The following THEM5 variants were observed in gnomAD, a reference collection of about 807,000 sequenced individuals.
THEM5 encodes the protein thioesterase superfamily member 5.
THEM5 carries 28 observed loss-of-function variants against 24.2 expected under a neutral mutation model. The ratio of observed to expected loss-of-function variants is 1.16; its 90% confidence interval spans 0.86 to 1.59. The LOEUF (loss-of-function observed/expected upper bound fraction) is 1.59. THEM5 is among the 40% of genes most tolerant of loss of function. The pLI is 0.00. For synonymous variants in THEM5, 87 were observed against 114.5 expected (o/e 0.76, Z 1.53); for missense variants, 260 against 296.8 (o/e 0.88, Z 0.91).
At chr1:151,850,473 G>C (rs1653075703) in intron 3 of THEM5, 1 of 152,824 alleles carries the variant, frequency 6.5e-6, no homozygotes. Context: ...ATCTGACTTT[G>C]ATTGCTGGTG....
At chr1:151,852,118 TG>T in intron 2 of THEM5, 139 bp downstream of exon 2, 2 of 803,076 alleles carry the variant, frequency 2.5e-6, no homozygotes, top group Non-Finnish European at 4.1e-6. Context: ...GCCTGTTGCC[TG>T]GGGCTGCAGC....
chr1:151,850,520 C>T (rs1653077118), intron 3 of THEM5: 1 of 152,810 alleles, frequency 6.5e-6, no homozygotes, highest in South Asian at 2.1e-4. Flanking sequence ...TGTGCATCTC[C>T]ATTTCCCCAT....
intron 5 of THEM5, among the ~76,000 whole-genome samples, 153 bp from the exon 6 acceptor site, chr1:151,847,567 A>T (rs1652972018): frequency 1.3e-5 from 2 of 151,998 alleles, no homozygotes; most frequent in Admixed American, 1.3e-4. Flanking sequence ...AAAAAATCCT[A>T]GTTCTGCTCT....
rs1447875525 is a variant in THEM5 at position 151,851,263 on chromosome 1, G to T, written c.326-72C>A. On this transcript the variant is annotated intron_variant, in intron 2 of 5. Transcript: ENST00000368817. Reference sequence around the variant, plus strand: ...TCAGGATGCAGCACCATTTGGTTGAGTCTTGCCTCTGGTACAAGATTAAGG... The same window carrying T: ...TCAGGATGCAGCACCATTTGGTTGATTCTTGCCTCTGGTACAAGATTAAGG... 3.1e-6 allele frequency: 5 copies of T among 1,590,666 alleles called. No homozygotes were observed. In the East Asian group the frequency reaches 1.1e-4, roughly 36 times the overall value.
At position 151,853,697 on chromosome 1, in the gene THEM5, T is replaced by C; in HGVS notation, c.-132A>G. On this transcript the variant is annotated 5_prime_UTR_variant, in exon 1 of 6. Transcript: ENST00000368817. ...TTTCTTTCAGAGAGCTAGGCGAGGCTGGGCTGGTGTGCTGCAACACCCACA... is the reference window on the plus strand; with the variant it reads ...TTTCTTTCAGAGAGCTAGGCGAGGCCGGGCTGGTGTGCTGCAACACCCACA... 3.1e-6 allele frequency: 4 copies of C among 1,270,272 alleles called. No individual in the cohort carries two copies. The Admixed American group carries it at 7.9e-5, about 25-fold the overall frequency. 78.7% of individuals were successfully genotyped at this position (1,270,272 alleles called of 1,614,324 possible).
At chr1:151,848,428 C>T (rs1464424655) in intron 3 of THEM5, 136 bp from the exon 4 acceptor site, 8 of 647,280 alleles carry the variant, frequency 1.2e-5, no homozygotes, top group Non-Finnish European at 2.1e-5. Context: ...GACGTTCAGC[C>T]TCAGGGCAGC....
Position 151,847,423 on chromosome 1 carries a change from G to A in THEM5, c.701-9C>T. ...CAGCTGAAGGAAAACACCTGCAAGA[G>A]AAGGGTGAGTTGAGCTGCAAGAGCT... On this transcript the variant is annotated splice_polypyrimidine_tract_variant and intron_variant, in intron 5 of 5. Transcript: ENST00000368817. 6.2e-7 allele frequency: 1 copy of A among 1,614,128 alleles called. No homozygotes were observed.
chr1:151,849,729 TCTC>T (rs1274815837), intron 3 of THEM5, among the ~76,000 whole-genome samples: 1 of 152,160 alleles, frequency 6.6e-6, no homozygotes, highest in Non-Finnish European at 1.5e-5. Context: ...AAACCAACTC[TCTC>T]CTCCTTGTCC....
intron 1 of THEM5, 46 bp from the exon 2 acceptor site, chr1:151,852,505 G>T: frequency 1.3e-6 from 2 of 1,597,472 alleles, no homozygotes; most frequent in East Asian, 2.2e-5. Context: ...CTGGAGGGGG[G>T]CTGCTGCCTG....
rs6587625 is a variant in THEM5 at position 151,847,848 on chromosome 1, T to C, written c.590A>G (p.Asp197Gly). Residue 197 changes from aspartate to glycine, a missense_variant, in exon 5 of 6, where the codon GAC becomes GGC. Coordinates refer to ENST00000368817, the MANE Select transcript of THEM5 (RefSeq NM_182578.4). Reference protein sequence around the residue: ...NIRFKNLIPVDSLVVMDVELD... With the variant: ...NIRFKNLIPVGSLVVMDVELD... ...TTCTACGTCCATTACAACCAGAGAG[T>C]CCACGGGGATCAAGCTGGGAGACGA... is the stretch of plus-strand genomic sequence containing the variant. 0.81 allele frequency: 1,307,650 copies of C among 1,613,948 alleles called. 534,184 individuals are homozygous for C. Among genetic ancestry groups the C allele is most frequent in the Admixed American group, 0.87 (52,483 of 60,014 alleles).
At position 151,853,456 on chromosome 1, in the gene THEM5, G is replaced by A. The variant is rs1420912776; in HGVS notation, c.110C>T (p.Ser37Phe). 1.2e-6 allele frequency: 2 copies of A among 1,613,872 alleles called. No homozygotes were observed. Among genetic ancestry groups the A allele is most frequent in the East Asian group, 2.2e-5 (1 of 44,876 alleles). ...CTGGGAACTCACCATGGAGTCTGTG[G>A]AGGATCCAAATGCTGAGGCAGGGTT... is the stretch of plus-strand genomic sequence containing the variant. ...RLNPASAFGS[S>F]TDSMFSRFLP... The change falls in exon 1 of 6, where the codon TCC becomes TTC. Residue 37 changes from serine to phenylalanine, a missense_variant. By Grantham distance (155) the Ser-to-Phe change is radical. Coordinates refer to ENST00000368817, the MANE Select transcript of THEM5 (RefSeq NM_182578.4).
intron 3 of THEM5, chr1:151,850,426 T>C (rs1653074332): frequency 6.6e-6 from 1 of 152,514 alleles, no homozygotes; most frequent in Admixed American, 6.5e-5. Flanking sequence ...GAGAGAACAG[T>C]GGACTTGGAA....
At chr1:151,849,851 A>G (rs1230638082) in intron 3 of THEM5, among the ~76,000 whole-genome samples, 1 of 152,072 alleles carries the variant, frequency 6.6e-6, no homozygotes, top group Non-Finnish European at 1.5e-5. Flanking sequence ...GGCCTGGTGG[A>G]TACTAATCTC....
chr1:151,847,364 G>A lies in THEM5; in HGVS notation c.*7C>T. The A allele has an allele frequency of 6.2e-7, 1 of 1,613,720 alleles. No individual in the cohort carries two copies. On this transcript the variant is annotated 3_prime_UTR_variant, in exon 6 of 6. Coordinates refer to ENST00000368817, the MANE Select transcript of THEM5 (RefSeq NM_182578.4). The stretch of plus-strand genomic sequence containing the variant: ...AGGCAGTGGCTCTCCTGCAGGCACA[G>A]TGACTGTTACTGGGGAGACTCTTCT...
intron 5 of THEM5, 102 bp from the exon 6 acceptor site, chr1:151,847,516 C>T: frequency 6.7e-7 from 1 of 1,485,544 alleles, no homozygotes; most frequent in Non-Finnish European, 9.4e-7. Context: ...TTACCTGGGT[C>T]CTGTCCTTTC....
In THEM5 at chr1:151,852,417, C is replaced by T. The variant is rs1286811532; in HGVS notation, c.166G>A (p.Ala56Thr). ...GAACACCAGCTGGCATTGGGAAGAG[C>T]ATAATCCTTCAAGTCTGTCTTCTCT... ...LPEKTDLKDYALPNASWCSDM... is the reference protein window; with the variant it reads ...LPEKTDLKDYTLPNASWCSDM... Residue 56 changes from alanine to threonine, a missense_variant, in exon 2 of 6, where the codon GCT becomes ACT. Ala to Thr is a moderately conservative substitution (Grantham distance 58). Coordinates refer to ENST00000368817, the MANE Select transcript of THEM5 (RefSeq NM_182578.4). 6.2e-7 allele frequency: 1 copy of T among 1,614,148 alleles called. No homozygotes were observed. The highest frequency in any genetic ancestry group is 8.5e-7 in the Non-Finnish European group (1 of 1,180,034).
chr1:151,853,328 C>T (rs1275207654), intron 1 of THEM5, 115 bp downstream of exon 1: 1 of 1,370,300 alleles, frequency 7.3e-7, no homozygotes, highest in Non-Finnish European at 9.7e-7. Flanking sequence ...CAAATAGCTC[C>T]TCCGAACACT....
At position 151,852,298 on chromosome 1, in the gene THEM5, G is replaced by C; in HGVS notation, c.285C>G (p.Ile95Met). Residue 95 changes from isoleucine (I) to methionine (M), a missense_variant, in exon 2 of 6, where the codon ATC becomes ATG. Coordinates refer to ENST00000368817, the MANE Select transcript of THEM5 (RefSeq NM_182578.4). ...GTCCAGATGGGAGCTTGAGTCCCCG[G>C]ATGTGGTCTCTGTTGGACTTGAAGG... is the stretch of plus-strand genomic sequence containing the variant. ...LPSFKSNRDH[I>M]RGLKLPSGLA... 1.2e-6 allele frequency: 2 copies of C among 1,614,056 alleles called. No individual in the cohort carries two copies. Among genetic ancestry groups the C allele is most frequent in the Non-Finnish European group, 1.7e-6 (2 of 1,180,030 alleles).
chr1:151,850,919 G>A, intron 3 of THEM5, 134 bp downstream of exon 3: 5 of 1,153,618 alleles, frequency 4.3e-6, no homozygotes, highest in Admixed American at 2.7e-5. Flanking sequence ...TTGTGAGGCT[G>A]AAGCCTAGTG....
Sources: allele counts gnomAD v4.1 joint callset (sites outside exome capture counted in the v4.1 genomes callset), GRCh38; gene constraint gnomAD v4.1.1; transcripts MANE v1.5; gene names NCBI Gene and HGNC (gene_info 2026-07-23, HGNC 2026-07-21).